The following WDPCP variants were observed in gnomAD, a reference collection of about 807,000 sequenced individuals.
WDPCP encodes WD repeat containing planar cell polarity effector.
Under a neutral mutation model 93.1 loss-of-function variants are expected in WDPCP, and 71 were observed. That is an observed-to-expected ratio of 0.76 (90% CI 0.63 to 0.93). The LOEUF is 0.93. Ranked by LOEUF, WDPCP falls within the 40% of genes least tolerant of loss-of-function variation. WDPCP has a pLI of 0.00. For missense variants in WDPCP, 844 were observed against 887.4 expected (o/e 0.95, Z 0.62); for synonymous variants, 315 against 315.0 (o/e 1.00, Z 0.00).
chr2:63,141,992 G>A (rs1331201746), intron 17 of WDPCP, among the ~76,000 whole-genome samples: 2 of 151,926 alleles, frequency 1.3e-5, no homozygotes, highest in Non-Finnish European at 2.9e-5. Flanking sequence ...CTCCTGTTTC[G>A]TTTCTTATTG....
At chr2:63,622,988 G>A (rs556799466) in intron 3 of WDPCP, among the ~76,000 whole-genome samples, 7 of 152,314 alleles carry the variant, frequency 4.6e-5, no homozygotes, top group East Asian at 3.9e-4. Flanking sequence ...TGCTGCCGCC[G>A]CCATGAGTTG....
At chr2:63,285,801 A>G (rs1458386124) in intron 13 of WDPCP, among the ~76,000 whole-genome samples, 1 of 152,206 alleles carries the variant, frequency 6.6e-6, no homozygotes, top group African/African-American at 2.4e-5. Context: ...GTTCTAAAGT[A>G]AAGAGGATTT....
intron 13 of WDPCP, among the ~76,000 whole-genome samples, chr2:63,305,428 C>T (rs188092385): frequency 3.3e-5 from 5 of 152,238 alleles, no homozygotes; most frequent in African/African-American, 1.2e-4. Flanking sequence ...GCTGGTGATA[C>T]CCAGGCAAAC....
At chr2:63,264,742 C>G (rs1054731392) in intron 13 of WDPCP, among the ~76,000 whole-genome samples, 1 of 152,164 alleles carries the variant, frequency 6.6e-6, no homozygotes, top group Admixed American at 6.5e-5. Context: ...AGATATTTTA[C>G]AGCATCAGCA....
chr2:63,165,695 T>G (rs1451695398), intron 15 of WDPCP, among the ~76,000 whole-genome samples: 1 of 150,670 alleles, frequency 6.6e-6, no homozygotes, highest in African/African-American at 2.5e-5. Flanking sequence ...TTATCTAGTA[T>G]GTTATCTATT....
chr2:63,504,360 G>A (rs1308666012), intron 1 of WDPCP, among the ~76,000 whole-genome samples: 2 of 149,754 alleles, frequency 1.3e-5, no homozygotes, highest in East Asian at 3.9e-4. Context: ...GTGTGTGTGT[G>A]TGTGTGTGAT....
At chr2:63,626,849 T>A (rs1709815825) in intron 3 of WDPCP, among the ~76,000 whole-genome samples, 1 of 152,000 alleles carries the variant, frequency 6.6e-6, no homozygotes, top group South Asian at 2.1e-4. Context: ...AGGGGAGGGA[T>A]ACCATTAGGA....
intron 6 of WDPCP, among the ~76,000 whole-genome samples, chr2:63,464,243 C>A (rs1699202966): frequency 6.6e-6 from 1 of 152,098 alleles, no homozygotes; most frequent in Non-Finnish European, 1.5e-5. Context: ...TATATAAATA[C>A]CCAACAAGCA....
intron 2 of WDPCP, among the ~76,000 whole-genome samples, chr2:63,702,128 C>T (rs1414888934): frequency 1.3e-5 from 2 of 152,110 alleles, no homozygotes; most frequent in Admixed American, 6.5e-5. Context: ...TAGGTTCAAG[C>T]GATTCTCCTG....
rs142576241 is a variant in WDPCP, at chr2:63,199,595, A to G, written c.1916-24763T>C. ...TGTTAAGCCTGCAGGTGCACAGTGT[A>G]AGAGTTGAGGCTTGGGAACGTCAGC... On this transcript the variant is annotated intron_variant, in intron 14 of 17. Coordinates refer to ENST00000272321, the MANE Select transcript of WDPCP (RefSeq NM_015910.7). Among the ~76,000 whole-genome samples, 45 of 152,338 alleles carry G rather than the reference A, an allele frequency of 3.0e-4. 1 individual carries two copies. The East Asian group carries it at 8.5e-3, about 29-fold the overall frequency.
intron 2 of WDPCP, among the ~76,000 whole-genome samples, chr2:63,784,143 T>C (rs996033029): frequency 3.9e-5 from 6 of 152,094 alleles, no homozygotes; most frequent in African/African-American, 1.2e-4. Context: ...TTGAGACATA[T>C]GGTCAATAAA....
At chr2:63,369,854 C>T (rs1003267290) in intron 12 of WDPCP, among the ~76,000 whole-genome samples, 1 of 152,090 alleles carries the variant, frequency 6.6e-6, no homozygotes, top group African/African-American at 2.4e-5. Context: ...AAATACCATT[C>T]ATAATTTAGA....
intron 15 of WDPCP, among the ~76,000 whole-genome samples, chr2:63,173,120 T>C (rs1412496413): frequency 6.6e-6 from 1 of 151,722 alleles, no homozygotes; most frequent in Non-Finnish European, 1.5e-5. Flanking sequence ...AATAAAAAAT[T>C]AGCAGGGCAC....
intron 14 of WDPCP, among the ~76,000 whole-genome samples, chr2:63,257,653 C>T (rs1399635783): frequency 6.6e-6 from 1 of 152,130 alleles, no homozygotes; most frequent in Non-Finnish European, 1.5e-5. Context: ...ACGCAGGGCT[C>T]AAAGTGGGTA....
At chr2:63,144,776 G>C (rs2103740066) in intron 17 of WDPCP, among the ~76,000 whole-genome samples, 1 of 152,230 alleles carries the variant, frequency 6.6e-6, no homozygotes, top group Middle Eastern at 3.4e-3. Flanking sequence ...ATTTCTTCTT[G>C]ATTTGGATCC....
intron 12 of WDPCP, among the ~76,000 whole-genome samples, chr2:63,353,446 C>G (rs1175700340): frequency 6.6e-6 from 1 of 152,102 alleles, no homozygotes; most frequent in Non-Finnish European, 1.5e-5. Context: ...TCCAGCCAGC[C>G]CCTGGTAGTA....
intron 2 of WDPCP, among the ~76,000 whole-genome samples, chr2:63,761,704 G>T (rs1308457417): frequency 6.6e-6 from 1 of 152,082 alleles, no homozygotes; most frequent in Non-Finnish European, 1.5e-5. Context: ...AGCTATGCTG[G>T]CAGCTGATTA....
chr2:63,366,060 A>G (rs1690878789), intron 12 of WDPCP, among the ~76,000 whole-genome samples: 1 of 152,168 alleles, frequency 6.6e-6, no homozygotes, highest in African/African-American at 2.4e-5. Context: ...CTCATGTTGG[A>G]AAGAACCTTA....
In WDPCP at chr2:63,251,484, A is replaced by G. The variant is rs576713614; in HGVS notation, c.1915+7823T>C. On this transcript the variant is annotated intron_variant, in intron 14 of 17. Transcript: ENST00000272321. ...AAATTCAATCAATAATAAAAAGCCT[A>G]CCTTTTTTTTTTTTTTTTTTTTTTT... Among the ~76,000 whole-genome samples, 49 of 122,102 alleles carry G rather than the reference A, an allele frequency of 4.0e-4. 1 individual carries two copies. The East Asian group carries it at 0.011, about 27-fold the overall frequency. 80.1% of individuals were successfully genotyped at this position (122,102 alleles called of 152,430 possible).
Sources: allele counts gnomAD v4.1 joint callset (sites outside exome capture counted in the v4.1 genomes callset), GRCh38; gene constraint gnomAD v4.1.1; transcripts MANE v1.5; gene names NCBI Gene and HGNC (gene_info 2026-07-23, HGNC 2026-07-21).